The following ACOXL variants were observed in gnomAD, a reference collection of about 807,000 sequenced individuals.
The protein encoded by ACOXL is acyl-coenzyme A oxidase-like protein.
ACOXL carries 70 observed loss-of-function variants against 71.9 expected under a neutral mutation model. That is an observed-to-expected ratio of 0.97 (90% CI 0.80 to 1.19). The LOEUF is 1.19. ACOXL is among the 50% of genes most tolerant of loss of function. The probability of loss-of-function intolerance (pLI) is 0.00; values close to 1 mark genes in which losing one functional copy is unlikely to be tolerated. For synonymous variants in ACOXL, 253 were observed against 281.6 expected, an observed-to-expected ratio of 0.90 and a Z score of 1.02; for missense variants, 703 against 736.3, an observed-to-expected ratio of 0.95 and a Z score of 0.52.
intron 12 of ACOXL, among the ~76,000 whole-genome samples, chr2:110,962,781 G>A (rs373083635): frequency 1.3e-5 from 2 of 152,214 alleles, no homozygotes; most frequent in South Asian, 2.1e-4. Context: ...AGTGCTCACT[G>A]CACATACTCC....
intron 9 of ACOXL, among the ~76,000 whole-genome samples, chr2:110,822,428 C>T (rs548485133): frequency 1.3e-3 from 192 of 152,144 alleles, no homozygotes; most frequent in Non-Finnish European, 2.3e-3. Context: ...TCACGTATGC[C>T]GGTTTCTGTA....
chr2:110,953,327 T>TATAC (rs2061390593), intron 12 of ACOXL, among the ~76,000 whole-genome samples: 1 of 143,934 alleles, frequency 6.9e-6, no homozygotes, highest in Non-Finnish European at 1.5e-5. Flanking sequence ...TAATTACTTT[T>TATAC]ATACATATAT....
At chr2:110,834,513 C>T (rs578137069) in intron 9 of ACOXL, among the ~76,000 whole-genome samples, 117 of 152,314 alleles carry the variant, frequency 7.7e-4, no homozygotes, top group African/African-American at 2.4e-3. Flanking sequence ...TCAGCGGTTC[C>T]GGAGTCTTGG....
intron 17 of ACOXL, among the ~76,000 whole-genome samples, chr2:111,095,202 G>A (rs1397023009): frequency 7.4e-6 from 1 of 135,000 alleles, no homozygotes; most frequent in East Asian, 2.2e-4. Context: ...TTGGGAAGAT[G>A]GAAGAATACT....
At chr2:111,080,000 TTATTTGCA>T (rs2067820053) in intron 16 of ACOXL, among the ~76,000 whole-genome samples, 1 of 152,224 alleles carries the variant, frequency 6.6e-6, no homozygotes. Context: ...ATTTTCTAGT[TTATTTGCA>T]TAGAGGTGTT....
intron 10 of ACOXL, among the ~76,000 whole-genome samples, chr2:110,884,688 G>A (rs1697077021): frequency 6.6e-6 from 1 of 152,076 alleles, no homozygotes; most frequent in South Asian, 2.1e-4. Context: ...AATCTTTAAA[G>A]ATCAAAATTC....
chr2:110,793,946 G>A, intron 4 of ACOXL, 130 bp from the exon 5 acceptor site: 5 of 923,638 alleles, frequency 5.4e-6, no homozygotes, highest in East Asian at 2.6e-5. Context: ...GCTGTCATCA[G>A]ACTGCATTTT....
chr2:111,042,658 G>C (rs538454109), intron 15 of ACOXL, among the ~76,000 whole-genome samples: 60 of 152,350 alleles, frequency 3.9e-4, no homozygotes, highest in African/African-American at 1.4e-3. Flanking sequence ...AAGTGGGCCA[G>C]GGTGGGTCGT....
chr2:111,062,896 A>G (rs888868224), intron 16 of ACOXL, among the ~76,000 whole-genome samples: 2 of 152,180 alleles, frequency 1.3e-5, no homozygotes, highest in Non-Finnish European at 2.9e-5. Flanking sequence ...TAAAAGATCA[A>G]TAAAAGTGAC....
At chr2:111,098,859 C>T (rs1475618167) in intron 17 of ACOXL, 3 of 152,064 alleles carry the variant, frequency 2.0e-5, no homozygotes, top group Non-Finnish European at 2.9e-5. Flanking sequence ...GGACTTATAC[C>T]GACGCTCCAG....
At chr2:110,866,959 G>A (rs998989068) in intron 10 of ACOXL, among the ~76,000 whole-genome samples, 2 of 152,214 alleles carry the variant, frequency 1.3e-5, no homozygotes, top group Non-Finnish European at 2.9e-5. Context: ...CCCAGAGGCT[G>A]GCCAGGGTGC....
chr2:110,878,851 A>T (rs1696255586), intron 10 of ACOXL, among the ~76,000 whole-genome samples: 1 of 151,966 alleles, frequency 6.6e-6, no homozygotes, highest in East Asian at 1.9e-4. Context: ...CGAGGTCAGG[A>T]GTTCAAGACC....
At chr2:110,874,427 C>T (rs1029122189) in intron 10 of ACOXL, among the ~76,000 whole-genome samples, 3 of 152,070 alleles carry the variant, frequency 2.0e-5, no homozygotes, top group African/African-American at 7.2e-5. Context: ...GGCTGGAGGG[C>T]GAAGCAAGGC....
intron 8 of ACOXL, among the ~76,000 whole-genome samples, chr2:110,804,860 G>A (rs933611997): frequency 5.3e-5 from 8 of 151,832 alleles, no homozygotes; most frequent in African/African-American, 1.9e-4. Context: ...TGCTAGTGGG[G>A]TGGGGTTTCT....
At chr2:111,116,417 C>T (rs1450480981) in intron 17 of ACOXL, among the ~76,000 whole-genome samples, 2 of 152,082 alleles carry the variant, frequency 1.3e-5, no homozygotes, top group African/African-American at 4.8e-5. Flanking sequence ...ATGCTCTTCC[C>T]CCACCATATC....
intron 12 of ACOXL, among the ~76,000 whole-genome samples, chr2:110,942,891 AAGGC>A (rs1193428198): frequency 6.8e-6 from 1 of 146,634 alleles, no homozygotes; most frequent in Non-Finnish European, 1.5e-5. Context: ...AAAAAAAAGG[AAGGC>A]AGGAAGGAAG....
intron 10 of ACOXL, among the ~76,000 whole-genome samples, chr2:110,905,340 G>A (rs1157557865): frequency 2.6e-5 from 4 of 152,160 alleles, no homozygotes; most frequent in African/African-American, 9.7e-5. Flanking sequence ...AGCCCTGCTT[G>A]GACAGAGGTC....
chr2:110,774,289 A>G (rs760951903), intron 2 of ACOXL, among the ~76,000 whole-genome samples: 2 of 152,144 alleles, frequency 1.3e-5, no homozygotes, highest in Non-Finnish European at 1.5e-5. Context: ...GAGGAGTCAG[A>G]CTATAAACTA....
At chr2:111,073,674 C>A (rs1362375552) in intron 16 of ACOXL, among the ~76,000 whole-genome samples, 1 of 152,106 alleles carries the variant, frequency 6.6e-6, no homozygotes, top group African/African-American at 2.4e-5. Context: ...TTATACTAAG[C>A]CTTAAAATCA....
Sources: gnomAD v4.1 joint callset for allele counts (sites outside exome capture counted in the v4.1 genomes callset) on GRCh38, gnomAD v4.1.1 for gene constraint, MANE v1.5 for transcripts, NCBI Gene and HGNC (gene_info 2026-07-23, HGNC 2026-07-21) for gene names.